The following PGLYRP4 variants were observed in gnomAD, a reference collection of about 807,000 sequenced individuals.
PGLYRP4 encodes PGRP-I-beta.
Under a neutral mutation model 41.2 loss-of-function variants are expected in PGLYRP4, and 39 were observed. The observed-to-expected ratio is 0.95, with a 90% CI of 0.73 to 1.24. The LOEUF is 1.24. Among genes scored for constraint, PGLYRP4 ranks in the 50% most tolerant of loss-of-function variants. The pLI is 0.00. For missense variants in PGLYRP4, 467 were observed against 460.7 expected (o/e 1.01, Z -0.13); for synonymous variants, 202 against 186.8 (o/e 1.08, Z -0.66).
intron 6 of PGLYRP4, among the ~76,000 whole-genome samples, chr1:153,341,305 T>C (rs1322462957): frequency 2.0e-5 from 3 of 152,222 alleles, no homozygotes; most frequent in African/African-American, 7.2e-5. Flanking sequence ...CAGGGACTTT[T>C]GCTTTTCATT....
chr1:153,343,235 A>G, intron 4 of PGLYRP4, 27 bp from the exon 5 acceptor site: 1 of 1,503,936 alleles, frequency 6.6e-7, no homozygotes, highest in Non-Finnish European at 9.3e-7. Context: ...TACAGGTTTC[A>G]TGGCTGGCAC....
chr1:153,341,996 G>T (rs762907598), intron 5 of PGLYRP4, among the ~76,000 whole-genome samples: 7 of 152,100 alleles, frequency 4.6e-5, no homozygotes, highest in Admixed American at 6.5e-5. Flanking sequence ...CCAAATACCT[G>T]CCAAACTTCA....
chr1:153,346,642 T>C (rs1015779777), intron 2 of PGLYRP4, among the ~76,000 whole-genome samples: 1 of 152,246 alleles, frequency 6.6e-6, no homozygotes, highest in African/African-American at 2.4e-5. Flanking sequence ...ACGTGTGCTA[T>C]GCCCATTCTC....
intron 8 of PGLYRP4, among the ~76,000 whole-genome samples, chr1:153,333,700 T>C (rs964750758): frequency 1.3e-5 from 2 of 152,032 alleles, no homozygotes; most frequent in Non-Finnish European, 2.9e-5. Flanking sequence ...CAACAACATA[T>C]CAAAAAGTTA....
At chr1:153,338,952 C>A (rs759568302) in intron 7 of PGLYRP4, among the ~76,000 whole-genome samples, 10 of 152,236 alleles carry the variant, frequency 6.6e-5, no homozygotes, top group Non-Finnish European at 1.2e-4. Context: ...TGAGGCACAT[C>A]CGATGGCATC....
At chr1:153,335,503 C>T (rs1281219000) in intron 8 of PGLYRP4, among the ~76,000 whole-genome samples, 2 of 150,836 alleles carry the variant, frequency 1.3e-5, no homozygotes, top group African/African-American at 5.0e-5. Context: ...CATCTTACAC[C>T]AGTCAGATTG....
intron 8 of PGLYRP4, among the ~76,000 whole-genome samples, chr1:153,336,608 A>G (rs551733781): frequency 6.6e-6 from 1 of 152,168 alleles, no homozygotes; most frequent in Non-Finnish European, 1.5e-5. Flanking sequence ...AGGATTAGGG[A>G]TAAGACGTTA....
intron 8 of PGLYRP4, among the ~76,000 whole-genome samples, chr1:153,335,846 A>G (rs1660536117): frequency 6.6e-6 from 1 of 152,238 alleles, no homozygotes; most frequent in Admixed American, 6.5e-5. Flanking sequence ...CTCTATGGAG[A>G]TTTATCAAAG....
chr1:153,333,463 C>T (rs935824198), intron 8 of PGLYRP4, among the ~76,000 whole-genome samples: 1 of 152,006 alleles, frequency 6.6e-6, no homozygotes, highest in Non-Finnish European at 1.5e-5. Context: ...AGCCCAGGAC[C>T]AGATGGATTC....
intron 8 of PGLYRP4, among the ~76,000 whole-genome samples, 170 bp downstream of exon 8, chr1:153,337,011 G>A (rs2101559739): frequency 6.6e-6 from 1 of 152,300 alleles, no homozygotes; most frequent in East Asian, 1.9e-4. Flanking sequence ...ATTATGTCTG[G>A]GGGTCACCTC....
intron 8 of PGLYRP4, among the ~76,000 whole-genome samples, chr1:153,332,395 C>T (rs1283125774): frequency 6.6e-6 from 1 of 151,974 alleles, no homozygotes; most frequent in African/African-American, 2.4e-5. Context: ...TACTGCTAGA[C>T]CTAAGAAAAG....
At chr1:153,344,464 G>T (rs1359498179) in intron 4 of PGLYRP4, among the ~76,000 whole-genome samples, 1 of 152,126 alleles carries the variant, frequency 6.6e-6, no homozygotes, top group Non-Finnish European at 1.5e-5. Context: ...ACCAAGCCCT[G>T]TCCCCCAGGA....
rs1320611039 is a variant in PGLYRP4 at position 153,330,824 on chromosome 1, C to T, written c.1065G>A (p.Leu355=). ...TGTTGTACAAAGCCTGCCCAGGAGA[C>T]AAGGTTCGGGCCACATCACTGTGGC... is the stretch of plus-strand genomic sequence containing the variant. ...LVGHSDVART[L]SPGQALYNII... The change falls in exon 9 of 9, where the codon TTG becomes TTA. Residue 355 remains leucine (L), a synonymous_variant. Coordinates refer to ENST00000359650, the MANE Select transcript of PGLYRP4 (RefSeq NM_020393.4). The T allele has an allele frequency of 6.2e-7, 1 of 1,613,920 alleles. No homozygotes were observed. The highest frequency in any genetic ancestry group is 1.3e-5 in the African/African-American group (1 of 74,894).
intron 7 of PGLYRP4, among the ~76,000 whole-genome samples, chr1:153,337,540 C>T (rs1413727711): frequency 6.6e-6 from 1 of 152,164 alleles, no homozygotes; most frequent in Non-Finnish European, 1.5e-5. Flanking sequence ...ATGCTGATTT[C>T]TGTGGTGTAA....
Position 153,345,340 on chromosome 1 carries a change from C to G in PGLYRP4, c.182G>C (p.Trp61Ser), listed in dbSNP as rs572609507. The change falls in exon 4 of 9, where the codon TGG (tryptophan) becomes TCG (serine). Residue 61 changes from tryptophan (W) to serine (S), a missense_variant. By Grantham distance (177) the Trp-to-Ser change is radical. Coordinates refer to ENST00000359650, the MANE Select transcript of PGLYRP4 (RefSeq NM_020393.4). ...ACTGCAGCCAACAGCTTCTGCCCCCCATGCCTTGCGAGAGACCGTGGTGGA... is the reference window on the plus strand; with the variant it reads ...ACTGCAGCCAACAGCTTCTGCCCCCGATGCCTTGCGAGAGACCGTGGTGGA... ...DVSTTVSRKA[W>S]GAEAVGCSIQ... 2.5e-6 allele frequency: 4 copies of G among 1,614,068 alleles called. No individual in the cohort carries two copies. The highest frequency in any genetic ancestry group is 2.7e-5 in the African/African-American group (2 of 74,930).
At chr1:153,344,608 G>A (rs1379132329) in intron 4 of PGLYRP4, among the ~76,000 whole-genome samples, 4 of 152,224 alleles carry the variant, frequency 2.6e-5, no homozygotes, top group Admixed American at 2.6e-4. Context: ...AAAGTCAGAG[G>A]TGAGCCAAGG....
intron 8 of PGLYRP4, among the ~76,000 whole-genome samples, chr1:153,336,068 G>A (rs922703809): frequency 5.3e-4 from 68 of 127,268 alleles, no homozygotes; most frequent in Non-Finnish European, 9.9e-4. Context: ...GTGTGTGTGT[G>A]TGTACACCAT....
intron 7 of PGLYRP4, among the ~76,000 whole-genome samples, chr1:153,340,167 C>T (rs990885151): frequency 3.9e-5 from 6 of 152,164 alleles, no homozygotes; most frequent in East Asian, 1.9e-4. Flanking sequence ...AGTAGGTACA[C>T]ATCTTGAGAA....
chr1:153,341,769 G>A lies in PGLYRP4; in HGVS notation c.483C>T (p.Pro161=). Residue 161 remains proline, a synonymous_variant, in exon 6 of 9, where the codon CCC becomes CCT. Coordinates refer to ENST00000359650, the MANE Select transcript of PGLYRP4 (RefSeq NM_020393.4). Reference sequence around the variant, plus strand: ...CCATGGCCGACAGGGCAGCAGGGCTGGGACTGTGGCCTAGAAGAGAGAAAT... The same window carrying A: ...CCATGGCCGACAGGGCAGCAGGGCTAGGACTGTGGCCTAGAAGAGAGAAAT... The part of the protein sequence containing the change: ...AFFGTKKGHS[P]SPAALSAMEN... 6.2e-7 allele frequency: 1 copy of A among 1,613,286 alleles called. No individual in the cohort carries two copies. The highest frequency in any genetic ancestry group is 8.5e-7 in the Non-Finnish European group (1 of 1,179,784).
Sources: gnomAD v4.1 joint callset for allele counts (sites outside exome capture counted in the v4.1 genomes callset) on GRCh38, gnomAD v4.1.1 for gene constraint, MANE v1.5 for transcripts, NCBI Gene and HGNC (gene_info 2026-07-23, HGNC 2026-07-21) for gene names.